Variants in PTPRF observed in about 807,000 individuals in gnomAD.
The protein encoded by PTPRF is receptor-type tyrosine-protein phosphatase F.
Under a neutral mutation model 201.8 loss-of-function variants are expected in PTPRF, and 59 were observed. That is an observed-to-expected ratio of 0.29 (90% CI 0.24 to 0.36). PTPRF has a LOEUF of 0.36. Among genes scored for constraint, PTPRF ranks in the 10% least tolerant of loss-of-function variants. PTPRF has a pLI of 1.00. For synonymous variants in PTPRF, 1,088 were observed against 1,089.7 expected (o/e 1.00, Z 0.03); for missense variants, 2,132 against 2,690.5 (o/e 0.79, Z 4.59).
chr1:43,571,982 A>G (rs1223994454), intron 6 of PTPRF, among the ~76,000 whole-genome samples: 1 of 152,228 alleles, frequency 6.6e-6, no homozygotes, highest in Admixed American at 6.5e-5. Flanking sequence ...GGCCTCTGGT[A>G]AGGGCTTCAT....
rs1012560442 is a variant in PTPRF at position 43,555,847 on chromosome 1, G to A, written c.379+1906G>A. Among the ~76,000 whole-genome samples, 7 of 152,066 alleles carry A rather than the reference G, an allele frequency of 4.6e-5. No homozygotes were observed. The South Asian group carries it at 6.2e-4, about 14-fold the overall frequency. The stretch of plus-strand genomic sequence containing the variant: ...GGACACATATGTTCTCAGTTTTTTC[G>A]TTTCTATAAATAAGGTGCCATACAC... On this transcript the variant is annotated intron_variant, in intron 5 of 33. Coordinates refer to ENST00000359947, the MANE Select transcript of PTPRF (RefSeq NM_002840.5).
chr1:43,555,316 A>ATG (rs61442919), intron 5 of PTPRF, among the ~76,000 whole-genome samples: 50,668 of 151,502 alleles, frequency 0.33, 9,998 homozygotes, highest in African/African-American at 0.53. Context: ...ATACATATAT[A>ATG]TGTGTGTGTG....
At position 43,619,441 on chromosome 1, in the gene PTPRF, C is replaced by G. The variant is rs1658659746; in HGVS notation, c.4800C>G (p.Ile1600Met). 1 of 1,614,016 alleles carries G rather than the reference C, an allele frequency of 6.2e-7. No homozygotes were observed. Among genetic ancestry groups the G allele is most frequent in the Non-Finnish European group, 8.5e-7 (1 of 1,180,050 alleles). Residue 1600 changes from isoleucine (I) to methionine (M), a missense_variant, in exon 28 of 34, where the codon ATC becomes ATG. By Grantham distance (10) the Ile-to-Met change is conservative (BLOSUM62 1). Coordinates refer to ENST00000359947, the MANE Select transcript of PTPRF (RefSeq NM_002840.5). The part of the protein sequence containing the change: ...MVQTEDQYVF[I>M]HEALLEAATC... The stretch of plus-strand genomic sequence containing the variant: ...AGACGGAGGACCAGTACGTGTTCAT[C>G]CATGAGGCGCTGCTGGAGGCTGCCA...
chr1:43,578,637 C>T (rs951431149), intron 6 of PTPRF, among the ~76,000 whole-genome samples, 173 bp from the exon 7 acceptor site: 16 of 152,148 alleles, frequency 1.1e-4, no homozygotes, highest in African/African-American at 2.4e-4. Context: ...GACAGGAGGC[C>T]ACTGGGCTCT....
rs1649782722 is a variant in PTPRF at position 43,588,587 on chromosome 1, T to A, written c.680-144T>A. On this transcript the variant is annotated intron_variant, in intron 7 of 33. Transcript: ENST00000359947. This position sits in a 1 kb window ranked among gnomAD's most constrained non-coding sequence, Gnocchi z 5.3. ...GGTGGGGTGGGAGTGGATGATGAGC[T>A]GGGGTCTGGCGGTGCCACCCCTCCT... 9.3e-7 allele frequency: 1 copy of A among 1,073,236 alleles called. No individual in the cohort carries two copies. The highest frequency in any genetic ancestry group is 1.6e-5 in the African/African-American group (1 of 62,882). The allele number at this position is 1,073,236 out of a possible 1,614,324, so 66.5% of individuals were successfully genotyped here.
upstream of PTPRF, chr1:43,525,186 T>C (rs1359936991): frequency 6.6e-6 from 1 of 152,238 alleles, no homozygotes; most frequent in Non-Finnish European, 1.5e-5. Flanking sequence ...GAGAGCTCTC[T>C]AGGAGAACAC....
At position 43,603,728 on chromosome 1, in the gene PTPRF, G is replaced by A. The variant is rs567638313; in HGVS notation, c.2576G>A (p.Arg859Gln). 2.7e-5 allele frequency: 44 copies of A among 1,613,594 alleles called. No homozygotes were observed. The highest frequency in any genetic ancestry group is 3.4e-5 in the Non-Finnish European group (40 of 1,180,038). Residue 859 changes from arginine to glutamine, a missense_variant, in exon 16 of 34, where the codon CGG becomes CAG. This residue lies in a region of PTPRF where 818 missense variants were observed against 915.3 expected (regional missense o/e 0.89). Coordinates refer to ENST00000359947, the MANE Select transcript of PTPRF (RefSeq NM_002840.5). The surrounding 1 kb of genome is among the most constrained non-coding windows in gnomAD (Gnocchi z 5.8). ...ELLGYRLQYC[R>Q]ADEARPNTID... ...CTGGGCTACCGGCTGCAGTACTGCC[G>A]GGCCGACGAGGCGCGGCCCAACACC...
At chr1:43,557,448 A>G (rs932816104) in intron 5 of PTPRF, among the ~76,000 whole-genome samples, 1 of 152,176 alleles carries the variant, frequency 6.6e-6, no homozygotes, top group Non-Finnish European at 1.5e-5. Flanking sequence ...AGCCTGGCCA[A>G]CATGGCAAAA....
intron 7 of PTPRF, among the ~76,000 whole-genome samples, chr1:43,583,421 T>A (rs1170831102): frequency 2.0e-5 from 3 of 152,164 alleles, no homozygotes; most frequent in Non-Finnish European, 4.4e-5. Context: ...AGCTGTCTGA[T>A]CCAGGCGGTG....
intron 7 of PTPRF, among the ~76,000 whole-genome samples, chr1:43,584,373 C>T (rs1397543557): frequency 6.6e-6 from 1 of 152,234 alleles, no homozygotes; most frequent in Non-Finnish European, 1.5e-5. Flanking sequence ...GATATCAGCC[C>T]TGAGCATCCA....
At chr1:43,528,790 G>A (rs1361312617), upstream of PTPRF, 1 of 152,216 alleles carries the variant, frequency 6.6e-6, no homozygotes, top group Non-Finnish European at 1.5e-5. Context: ...GACAGAGGAG[G>A]CTCTTAGTTA....
At position 43,542,242 on chromosome 1, in the gene PTPRF, C is replaced by T. The variant is rs970508827; in HGVS notation, c.-45-2789C>T. Reference sequence around the variant, plus strand: ...AGGCTCTGTGCCCGGAGTCTCAGGGCGGGAGGCAGCTTGCTCTCGCCAGGA... The same window carrying T: ...AGGCTCTGTGCCCGGAGTCTCAGGGTGGGAGGCAGCTTGCTCTCGCCAGGA... On this transcript the variant is annotated intron_variant, in intron 2 of 33. Transcript: ENST00000359947. The surrounding 1 kb of genome is among the most constrained non-coding windows in gnomAD (Gnocchi z 5.2). Among the ~76,000 whole-genome samples the T allele has an allele frequency of 2.0e-5, 3 of 152,132 alleles. No individual in the cohort carries two copies. Among genetic ancestry groups the T allele is most frequent in the Admixed American group, 6.5e-5 (1 of 15,280 alleles).
At chr1:43,593,878 C>T (rs574895003) in intron 11 of PTPRF, among the ~76,000 whole-genome samples, 2 of 151,954 alleles carry the variant, frequency 1.3e-5, no homozygotes, top group Admixed American at 6.5e-5. Flanking sequence ...CCCACATACT[C>T]GGGAGGCTGA....
chr1:43,604,180 G>A lies in PTPRF; in HGVS notation c.3028G>A (p.Val1010Met), dbSNP rs758129822. 1.9e-6 allele frequency: 3 copies of A among 1,613,468 alleles called. No individual in the cohort carries two copies. In the Admixed American group the frequency reaches 5.0e-5, roughly 27 times the overall value. Residue 1010 changes from valine to methionine, a missense_variant, in exon 16 of 34, where the codon GTG becomes ATG. Physicochemically the swap from Val to Met is conservative, Grantham distance 21. This residue lies in a region of PTPRF where 818 missense variants were observed against 915.3 expected (regional missense o/e 0.89). Coordinates refer to ENST00000359947, the MANE Select transcript of PTPRF (RefSeq NM_002840.5). The part of the protein sequence containing the change: ...SPSIQSRTMP[V>M]EQVFAKNFRV... ...CAGCATCCAGTCCCGGACCATGCCG[G>A]TGGAGCAAGGTGTGTGCTGTGGACA...
upstream of PTPRF, among the ~76,000 whole-genome samples, chr1:43,522,497 T>C (rs148435364): frequency 2.5e-3 from 374 of 152,338 alleles, 3 homozygotes; most frequent in African/African-American, 8.6e-3. Context: ...CTTATATGGA[T>C]TTAACATATA....
intron 7 of PTPRF, chr1:43,583,194 G>T (rs1333607168): frequency 1.2e-6 from 1 of 815,866 alleles, no homozygotes; most frequent in African/African-American, 1.9e-5. Flanking sequence ...CAGGCTCACT[G>T]CGCCGTGCCT....
intron 5 of PTPRF, among the ~76,000 whole-genome samples, chr1:43,568,227 G>A (rs1256914035): frequency 2.0e-5 from 3 of 151,856 alleles, no homozygotes; most frequent in Admixed American, 6.6e-5. Context: ...CCCAGGAGGC[G>A]GAGGTTGCGG....
At chr1:43,618,487 G>C in intron 25 of PTPRF, 143 bp from the exon 26 acceptor site, 2 of 979,466 alleles carry the variant, frequency 2.0e-6, no homozygotes, top group Non-Finnish European at 3.0e-6. Flanking sequence ...GTGGAGGACA[G>C]GGGGCAATGG....
intron 7 of PTPRF, chr1:43,583,121 T>G: frequency 1.0e-6 from 1 of 984,058 alleles, no homozygotes; most frequent in Non-Finnish European, 1.2e-6. Context: ...CTTATCCATC[T>G]ACAGTTCGCC....
Sources: gnomAD v4.1 joint callset for allele counts (sites outside exome capture counted in the v4.1 genomes callset) on GRCh38, gnomAD v4.1.1 for gene constraint, gnomAD v4.1.1 regional missense constraint, Gnocchi (gnomAD v3.1) non-coding constraint, MANE v1.5 for transcripts, NCBI Gene and HGNC (gene_info 2026-07-23, HGNC 2026-07-21) for gene names.